Variants in TRAPPC9 observed in about 807,000 individuals in gnomAD.
TRAPPC9 encodes the protein IKK2 binding protein.
Under a neutral mutation model 124.0 loss-of-function variants are expected in TRAPPC9, and 83 were observed. The observed-to-expected ratio is 0.67, with a 90% CI of 0.56 to 0.80. TRAPPC9 has a LOEUF of 0.80. TRAPPC9 is among the 30% of genes least tolerant of loss of function. TRAPPC9 has a pLI of 0.00. For synonymous variants in TRAPPC9, 638 were observed against 617.5 expected (o/e 1.03, Z -0.49); for missense variants, 1,302 against 1,508.3 (o/e 0.86, Z 2.27).
intron 21 of TRAPPC9, among the ~76,000 whole-genome samples, chr8:139,770,928 T>C (rs1438019125): frequency 6.6e-6 from 1 of 152,126 alleles, no homozygotes. Flanking sequence ...ACCACGCCTC[T>C]CCTGATGCGT....
intron 21 of TRAPPC9, among the ~76,000 whole-genome samples, chr8:139,765,494 G>A (rs1200216431): frequency 6.6e-6 from 1 of 152,252 alleles, no homozygotes; most frequent in African/African-American, 2.4e-5. Flanking sequence ...GTGGCCGTGG[G>A]TGGGAGGAGA....
chr8:140,124,703 C>T (rs372696624), intron 17 of TRAPPC9, among the ~76,000 whole-genome samples: 9 of 70,286 alleles, frequency 1.3e-4, no homozygotes, highest in East Asian at 1.2e-3. Context: ...AAGACCCTCG[C>T]GGGGGAGGAC....
rs200414448 is a variant in TRAPPC9, at chr8:140,019,795, G to A, written c.2699+4142C>T. Among the ~76,000 whole-genome samples the A allele has an allele frequency of 1.1e-4, 17 of 151,948 alleles. No homozygotes were observed. In the East Asian group the frequency reaches 2.1e-3, roughly 19 times the overall value. On this transcript the variant is annotated intron_variant, in intron 18 of 22. Coordinates refer to ENST00000438773, the MANE Select transcript of TRAPPC9 (RefSeq NM_001160372.4). ...TCAAACTCCTGACCTCAGGTGATCC[G>A]CCTGCCTTGGCCTCCCAAAGGGCTG...
intron 2 of TRAPPC9, among the ~76,000 whole-genome samples, chr8:140,440,481 TG>T (rs1029251276): frequency 1.3e-5 from 2 of 151,400 alleles, no homozygotes; most frequent in African/African-American, 4.9e-5. Context: ...CACTCCAGCC[TG>T]GGGGACAGGG....
At chr8:140,038,827 G>A (rs1446101403) in intron 17 of TRAPPC9, among the ~76,000 whole-genome samples, 1 of 152,196 alleles carries the variant, frequency 6.6e-6, no homozygotes, top group African/African-American at 2.4e-5. Context: ...GGCGCAATCA[G>A]AGGCCCTCCT....
chr8:139,968,348 T>A (rs1373591815), intron 19 of TRAPPC9, among the ~76,000 whole-genome samples: 1 of 152,136 alleles, frequency 6.6e-6, no homozygotes, highest in African/African-American at 2.4e-5. Flanking sequence ...CCAGCCCCAC[T>A]TAAAAGTCTT....
chr8:139,738,529 C>T (rs1458731457), intron 21 of TRAPPC9, among the ~76,000 whole-genome samples: 2 of 152,178 alleles, frequency 1.3e-5, no homozygotes, highest in African/African-American at 2.4e-5. Flanking sequence ...GGGCACACTT[C>T]GCTGCTGGCT....
At chr8:140,425,849 A>G (rs2070404711) in intron 5 of TRAPPC9, among the ~76,000 whole-genome samples, 1 of 152,146 alleles carries the variant, frequency 6.6e-6, no homozygotes. Context: ...TCCTTTCTCT[A>G]CACATTCCAC....
chr8:140,313,605 G>A (rs2066364698), intron 9 of TRAPPC9, among the ~76,000 whole-genome samples: 2 of 152,116 alleles, frequency 1.3e-5, no homozygotes, highest in Non-Finnish European at 2.9e-5. Flanking sequence ...TCAGAGCTTT[G>A]TGGAAGGCCA....
At chr8:139,746,545 C>T (rs1290255106) in intron 21 of TRAPPC9, among the ~76,000 whole-genome samples, 2 of 152,132 alleles carry the variant, frequency 1.3e-5, no homozygotes, top group Non-Finnish European at 2.9e-5. Context: ...TCAGGGTAGG[C>T]AGGGACATAC....
intron 21 of TRAPPC9, among the ~76,000 whole-genome samples, chr8:139,809,904 C>T (rs558245338): frequency 1.8e-4 from 28 of 152,278 alleles, no homozygotes; most frequent in East Asian, 5.8e-4. Flanking sequence ...CCCTTCCTCC[C>T]GCCACCCCAG....
In TRAPPC9 at chr8:140,275,768, G is replaced by A; in HGVS notation, c.2168C>T (p.Ser723Phe). ...SSGDEISTNV[S>F]VQLYNGESQQ... Reference sequence around the variant, plus strand: ...ACTTTCTCCATTGTAAAGCTGGACAGATACATTAGTAGATATTTCATCACC... The same window carrying A: ...ACTTTCTCCATTGTAAAGCTGGACAAATACATTAGTAGATATTTCATCACC... The change falls in exon 15 of 23, where the codon TCT (serine) becomes TTT (phenylalanine). Residue 723 changes from serine (S) to phenylalanine (F), a missense_variant. By Grantham distance (155) the Ser-to-Phe change is radical (BLOSUM62 -2). Transcript: ENST00000438773. 1 of 1,613,246 alleles carries A rather than the reference G, an allele frequency of 6.2e-7. No individual in the cohort carries two copies. The highest frequency in any genetic ancestry group is 8.5e-7 in the Non-Finnish European group (1 of 1,179,174).
intron 17 of TRAPPC9, among the ~76,000 whole-genome samples, chr8:140,214,615 G>T (rs1044717574): frequency 6.6e-6 from 1 of 152,166 alleles, no homozygotes; most frequent in Non-Finnish European, 1.5e-5. Flanking sequence ...AGGAAGCATT[G>T]TCGTTCAATT....
At chr8:140,058,374 C>A (rs1485251691) in intron 17 of TRAPPC9, among the ~76,000 whole-genome samples, 1 of 152,162 alleles carries the variant, frequency 6.6e-6, no homozygotes, top group Non-Finnish European at 1.5e-5. Context: ...ATTGGTCTTT[C>A]TCTGCATGAG....
At chr8:139,911,321 T>G (rs1831715389) in intron 19 of TRAPPC9, 1 of 152,382 alleles carries the variant, frequency 6.6e-6, no homozygotes, top group South Asian at 2.1e-4. Context: ...TTAAACCTCT[T>G]TCTTTTGTAA....
chr8:140,019,926 T>C (rs1321533208), intron 18 of TRAPPC9, among the ~76,000 whole-genome samples: 2 of 152,116 alleles, frequency 1.3e-5, no homozygotes, highest in East Asian at 3.8e-4. Flanking sequence ...CGATCGTAGG[T>C]CACTCAAGGT....
chr8:139,934,939 G>A (rs2131404811), intron 19 of TRAPPC9, among the ~76,000 whole-genome samples: 1 of 152,310 alleles, frequency 6.6e-6, no homozygotes, highest in African/African-American at 2.4e-5. Flanking sequence ...GGTCTTGCCA[G>A]GACACCTGCT....
intron 9 of TRAPPC9, among the ~76,000 whole-genome samples, chr8:140,352,459 T>C (rs187316780): frequency 5.9e-4 from 90 of 152,314 alleles, no homozygotes; most frequent in Admixed American, 2.1e-3. Context: ...GACCTGGGAT[T>C]CTGTGCTACT....
intron 19 of TRAPPC9, among the ~76,000 whole-genome samples, chr8:139,922,395 G>A (rs745468348): frequency 6.6e-6 from 1 of 152,216 alleles, no homozygotes; most frequent in South Asian, 2.1e-4. Flanking sequence ...TATTGGCCAG[G>A]CTGGTCTCAA....
Sources: allele counts gnomAD v4.1 joint callset (sites outside exome capture counted in the v4.1 genomes callset), GRCh38; gene constraint gnomAD v4.1.1; transcripts MANE v1.5; gene names NCBI Gene and HGNC (gene_info 2026-07-23, HGNC 2026-07-21).